TLE4: variants seen among roughly 807,000 people sequenced by gnomAD.
TLE4 encodes the protein TLE family member 4, transcriptional corepressor.
A neutral mutation model predicts 92.8 loss-of-function variants in TLE4; 8 were observed. That is an observed-to-expected ratio of 0.09 (90% CI 0.05 to 0.16). The LOEUF is 0.16. Ranked by LOEUF, TLE4 falls within the 10% of genes least tolerant of loss-of-function variation. The pLI, the probability that TLE4 is intolerant of heterozygous loss-of-function variation, is 1.00. For synonymous variants in TLE4, 371 were observed against 374.1 expected, an observed-to-expected ratio of 0.99 and a Z score of 0.10; for missense variants, 675 against 997.6, an observed-to-expected ratio of 0.68 and a Z score of 4.36.
chr9:79,709,528 C>G, intron 13 of TLE4, 95 bp from the exon 14 acceptor site: 1 of 1,016,176 alleles, frequency 9.8e-7, no homozygotes, highest in East Asian at 2.5e-5. Context: ...TTTAAAGGAT[C>G]TATTCTCCCA....
At chr9:79,669,568 C>G (rs887211090) in intron 8 of TLE4, among the ~76,000 whole-genome samples, 1 of 152,008 alleles carries the variant, frequency 6.6e-6, no homozygotes, top group African/African-American at 2.4e-5. Context: ...CACCATCACT[C>G]ACATTGTTTT....
intron 4 of TLE4, among the ~76,000 whole-genome samples, chr9:79,597,791 A>T (rs1037818159): frequency 6.6e-6 from 1 of 152,198 alleles, no homozygotes; most frequent in Non-Finnish European, 1.5e-5. Context: ...ATGGTAAATT[A>T]ACCACTGTAT....
chr9:79,676,182 T>C (rs1182094444), intron 8 of TLE4, among the ~76,000 whole-genome samples: 2 of 152,162 alleles, frequency 1.3e-5, no homozygotes, highest in Non-Finnish European at 1.5e-5. Context: ...TGTTTAGATA[T>C]TGTTTAGTCA....
At chr9:79,581,382 G>A (rs2039619494) in intron 4 of TLE4, among the ~76,000 whole-genome samples, 1 of 152,164 alleles carries the variant, frequency 6.6e-6, no homozygotes, top group Non-Finnish European at 1.5e-5. Context: ...GTTTTAGGGT[G>A]TGTGTTTTCC....
At chr9:79,685,358 A>G (rs2135398354) in intron 8 of TLE4, among the ~76,000 whole-genome samples, 1 of 152,316 alleles carries the variant, frequency 6.6e-6, no homozygotes, top group East Asian at 1.9e-4. Flanking sequence ...TCATTTCTAA[A>G]GCATTTAAAA....
intron 8 of TLE4, among the ~76,000 whole-genome samples, chr9:79,699,502 C>A (rs922367545): frequency 6.6e-6 from 1 of 152,178 alleles, no homozygotes; most frequent in Non-Finnish European, 1.5e-5. Flanking sequence ...CCAGGACTTG[C>A]AATTACCCTT....
At chr9:79,649,325 C>CA (rs149939336) in intron 6 of TLE4, among the ~76,000 whole-genome samples, 1 of 151,642 alleles carries the variant, frequency 6.6e-6, no homozygotes, top group African/African-American at 2.4e-5. Flanking sequence ...TTGAAGAGGG[C>CA]AAAAGAAGGG....
At chr9:79,618,833 G>T (rs532551184) in intron 5 of TLE4, among the ~76,000 whole-genome samples, 5 of 152,186 alleles carry the variant, frequency 3.3e-5, no homozygotes, top group African/African-American at 1.2e-4. Context: ...GAAAATATTG[G>T]TTTAACAAAT....
At chr9:79,692,214 G>A (rs1049368094) in intron 8 of TLE4, among the ~76,000 whole-genome samples, 8 of 152,282 alleles carry the variant, frequency 5.3e-5, no homozygotes, top group African/African-American at 1.9e-4. Flanking sequence ...AGGCACATTT[G>A]ACATGAATTC....
intron 4 of TLE4, among the ~76,000 whole-genome samples, chr9:79,577,272 G>T (rs1587608010): frequency 6.6e-6 from 1 of 152,056 alleles, no homozygotes; most frequent in African/African-American, 2.4e-5. Context: ...TACATGCTCA[G>T]AACATCCCAG....
At chr9:79,609,249 A>G (rs962157231) in intron 4 of TLE4, among the ~76,000 whole-genome samples, 8 of 152,094 alleles carry the variant, frequency 5.3e-5, no homozygotes, top group African/African-American at 1.7e-4. Flanking sequence ...TCATGCTCCT[A>G]GGCCACTGTC....
intron 8 of TLE4, among the ~76,000 whole-genome samples, chr9:79,683,957 T>C (rs573023990): frequency 2.8e-4 from 42 of 152,362 alleles, no homozygotes; most frequent in Middle Eastern, 3.4e-3. Flanking sequence ...ATATACTGAC[T>C]CATTTCTTAA....
At chr9:79,666,846 TA>T (rs147417943) in intron 8 of TLE4, among the ~76,000 whole-genome samples, 22,921 of 152,186 alleles carry the variant, frequency 0.15, 2,219 homozygotes, top group African/African-American at 0.28. Context: ...ACCTGATACT[TA>T]ACCTGTTGGG....
chr9:79,616,105 G>A (rs769269416), intron 5 of TLE4, among the ~76,000 whole-genome samples: 4 of 152,136 alleles, frequency 2.6e-5, no homozygotes, highest in Non-Finnish European at 5.9e-5. Context: ...TAAACGGGAA[G>A]CTCTTTTCTT....
intron 4 of TLE4, among the ~76,000 whole-genome samples, chr9:79,597,254 G>A (rs1436486282): frequency 6.6e-6 from 1 of 152,102 alleles, no homozygotes; most frequent in Non-Finnish European, 1.5e-5. Flanking sequence ...CAGGCTTTTT[G>A]TCTGCAGCCT....
At chr9:79,665,891 G>A (rs1189010255) in intron 8 of TLE4, among the ~76,000 whole-genome samples, 1 of 152,088 alleles carries the variant, frequency 6.6e-6, no homozygotes, top group Non-Finnish European at 1.5e-5. Context: ...CAGCTTTCTA[G>A]TTGTTACTTG....
At chr9:79,708,867 T>C in intron 13 of TLE4, 81 bp downstream of exon 13, 1 of 1,468,378 alleles carries the variant, frequency 6.8e-7, no homozygotes, top group Non-Finnish European at 9.1e-7. Flanking sequence ...GGTCTCGCTC[T>C]GTCACCCAGC....
chr9:79,607,681 G>C (rs893494473), intron 4 of TLE4, among the ~76,000 whole-genome samples: 1 of 152,078 alleles, frequency 6.6e-6, no homozygotes, highest in Non-Finnish European at 1.5e-5. Context: ...TCAGATGGTT[G>C]GTTATAGGTG....
intron 4 of TLE4, among the ~76,000 whole-genome samples, chr9:79,598,324 A>C (rs1342723718): frequency 1.5e-4 from 22 of 151,394 alleles, no homozygotes; most frequent in Non-Finnish European, 1.5e-5. Flanking sequence ...TGTCCTGGAT[A>C]GTGATAATTC....
Sources: allele counts gnomAD v4.1 joint callset (sites outside exome capture counted in the v4.1 genomes callset), GRCh38; gene constraint gnomAD v4.1.1; transcripts MANE v1.5; gene names NCBI Gene and HGNC (gene_info 2026-07-23, HGNC 2026-07-21).